Variants in PAQR8 observed in about 807,000 individuals in gnomAD.
The protein encoded by PAQR8 is membrane progestin receptor beta.
A neutral mutation model predicts 25.2 loss-of-function variants in PAQR8; 17 were observed. That is an observed-to-expected ratio of 0.67 (90% CI 0.46 to 1.01). The LOEUF (loss-of-function observed/expected upper bound fraction) is 1.01, where lower values mean the gene tolerates loss of function less well. PAQR8 is among the 50% of genes least tolerant of loss of function. The pLI, the probability that PAQR8 is intolerant of heterozygous loss-of-function variation, is 0.00. For missense variants in PAQR8, 392 were observed against 448.4 expected (o/e 0.87, Z 1.14); for synonymous variants, 204 against 190.6 (o/e 1.07, Z -0.58).
intron 1 of PAQR8, among the ~76,000 whole-genome samples, chr6:52,366,313 G>A (rs907560356): frequency 6.6e-6 from 1 of 152,184 alleles, no homozygotes; most frequent in Non-Finnish European, 1.5e-5. Context: ...GCAAGTGCTG[G>A]AGATGGAGAG....
At chr6:52,365,575 T>TTATATTAATTATTTA (rs1271334023) in intron 1 of PAQR8, among the ~76,000 whole-genome samples, 1 of 152,184 alleles carries the variant, frequency 6.6e-6, no homozygotes, top group Non-Finnish European at 1.5e-5. Context: ...GGAATATTAT[T>TTATATTAATTATTTA]TATTGATAGT....
At chr6:52,393,173 C>T (rs73443984) in intron 1 of PAQR8, among the ~76,000 whole-genome samples, 4,040 of 152,170 alleles carry the variant, frequency 0.027, 166 homozygotes, top group African/African-American at 0.09. Flanking sequence ...CTCTCTGTAA[C>T]TGTTTCCTTA....
At position 52,404,743 on chromosome 6, in the gene PAQR8, T is replaced by C. The variant is rs2113954308; in HGVS notation, c.*465T>C. 1 of 174,116 alleles carries C rather than the reference T, an allele frequency of 5.7e-6. No individual in the cohort carries two copies. The highest frequency in any genetic ancestry group is 1.8e-4 in the East Asian group (1 of 5,470). The allele number at this position is 174,116 out of a possible 1,614,324, so 10.8% of individuals were successfully genotyped here. A position where few individuals can be genotyped will look rare whatever the true frequency, so the allele number is the denominator to read the frequency against. ...ACCCAAGGACCGAATTTCATTTGGA[T>C]TTCAAATTGTCCAGAGTGGAAAAGC... is the stretch of plus-strand genomic sequence containing the variant. On this transcript the variant is annotated 3_prime_UTR_variant, in exon 2 of 2. Transcript: ENST00000442253.
chr6:52,364,035 C>T (rs1467112908), intron 1 of PAQR8, among the ~76,000 whole-genome samples: 15 of 148,176 alleles, frequency 1.0e-4, no homozygotes, highest in Non-Finnish European at 3.0e-5. Flanking sequence ...TTCTGGAAGA[C>T]CCAGAGTAGA....
intron 1 of PAQR8, among the ~76,000 whole-genome samples, chr6:52,387,043 A>T (rs1209198939): frequency 6.6e-6 from 1 of 151,840 alleles, no homozygotes; most frequent in Non-Finnish European, 1.5e-5. Context: ...ACGGAGTCTC[A>T]CTCTGTCACC....
intron 1 of PAQR8, among the ~76,000 whole-genome samples, chr6:52,385,177 G>C (rs1763616684): frequency 6.6e-6 from 1 of 152,170 alleles, no homozygotes. Flanking sequence ...TCGTGGTAGT[G>C]AATAAGTCTC....
At chr6:52,375,080 T>A (rs1763469904) in intron 1 of PAQR8, among the ~76,000 whole-genome samples, 1 of 152,098 alleles carries the variant, frequency 6.6e-6, no homozygotes. Context: ...TTAAAAACGT[T>A]TAGTGGGAAA....
chr6:52,362,861 A>C lies in PAQR8; in HGVS notation c.-53+612A>C, dbSNP rs115705614. Reference sequence around the variant, plus strand: ...GTCTAGGCATGTGCTTTCGCCGGGGAAAGATGGAGGGGGCTTCTCTGAGAG... The same window carrying C: ...GTCTAGGCATGTGCTTTCGCCGGGGCAAGATGGAGGGGGCTTCTCTGAGAG... On this transcript the variant is annotated intron_variant, in intron 1 of 1. Transcript: ENST00000442253. This position sits in a 1 kb window ranked among gnomAD's most constrained non-coding sequence, Gnocchi z 4.1. Among the ~76,000 whole-genome samples the C allele has an allele frequency of 1.4e-3, 211 of 152,052 alleles. No homozygotes were observed. The highest frequency in any genetic ancestry group is 4.9e-3 in the African/African-American group (205 of 41,474).
Position 52,404,255 on chromosome 6 carries a change from AGACT to A in PAQR8, c.1046_1049del (p.Leu349ProfsTer32), listed in dbSNP as rs1296341603. 6.2e-7 allele frequency: 1 copy of A among 1,600,752 alleles called. No individual in the cohort carries two copies. Among genetic ancestry groups the A allele is most frequent in the African/African-American group, 1.3e-5 (1 of 74,838 alleles). ...CCTTCTGAGGCACAAAGTCAAGGCC[AGACT>A]GACCAAGAAAGATTCCTGAGGCTGG... On this transcript the variant is annotated frameshift_variant, in exon 2 of 2. Coordinates refer to ENST00000442253, the MANE Select transcript of PAQR8 (RefSeq NM_133367.5). LOFTEE classifies it high-confidence loss of function.
chr6:52,390,737 C>T (rs1581794997), intron 1 of PAQR8, among the ~76,000 whole-genome samples: 1 of 152,088 alleles, frequency 6.6e-6, no homozygotes, highest in African/African-American at 2.4e-5. Context: ...CCCCCATGAC[C>T]AATAGCTTAC....
At chr6:52,400,491 G>A (rs1763817454) in intron 1 of PAQR8, among the ~76,000 whole-genome samples, 1 of 152,136 alleles carries the variant, frequency 6.6e-6, no homozygotes, top group African/African-American at 2.4e-5. Context: ...TTGATGGTGG[G>A]GCTCAGGATG....
At chr6:52,371,147 A>G (rs1763415359) in intron 1 of PAQR8, among the ~76,000 whole-genome samples, 1 of 152,186 alleles carries the variant, frequency 6.6e-6, no homozygotes, top group East Asian at 1.9e-4. Flanking sequence ...GGAAAAATAA[A>G]TCAGGATAAG....
intron 1 of PAQR8, among the ~76,000 whole-genome samples, chr6:52,399,672 G>A (rs576570996): frequency 1.3e-5 from 2 of 152,206 alleles, no homozygotes; most frequent in South Asian, 4.2e-4. Flanking sequence ...TTCTTCTATA[G>A]TCACTGGGGT....
chr6:52,379,619 C>CTTTTTTTTTTT lies in PAQR8; in HGVS notation c.-53+17385_-53+17395dup, dbSNP rs909812638. On this transcript the variant is annotated intron_variant, in intron 1 of 1. Coordinates refer to ENST00000442253, the MANE Select transcript of PAQR8 (RefSeq NM_133367.5). ...GGTGCGTACCGCCACACCCAGCTTTCTTTTTTTTTTTTTTTTTTTTTTTTT... is the reference window on the plus strand; with the variant it reads ...GGTGCGTACCGCCACACCCAGCTTTCTTTTTTTTTTTTTTTTTTTTTTTTTTTTTTTTTTTT... Among the ~76,000 whole-genome samples, 230 of 77,178 alleles carry CTTTTTTTTTTT rather than the reference C, an allele frequency of 3.0e-3. 22 individuals carry two copies. The highest frequency in any genetic ancestry group is 0.012 in the East Asian group (27 of 2,250). 50.6% of individuals were successfully genotyped at this position (77,178 alleles called of 152,430 possible).
intron 1 of PAQR8, among the ~76,000 whole-genome samples, chr6:52,370,428 G>C (rs1163660144): frequency 6.6e-6 from 1 of 152,202 alleles, no homozygotes; most frequent in Admixed American, 6.5e-5. Context: ...AGATGTAAGA[G>C]AAGCGTAAAG....
In PAQR8 at chr6:52,362,755, G is replaced by A. The variant is rs568122878; in HGVS notation, c.-53+506G>A. 1.3e-5 allele frequency among the ~76,000 whole-genome samples: 2 copies of A among 152,306 alleles called. No homozygotes were observed. Among genetic ancestry groups the A allele is most frequent in the East Asian group, 1.9e-4 (1 of 5,160 alleles). Reference sequence around the variant, plus strand: ...GAACGGAACCTGGGAGGGGAGTGCGGAGGAGAGGAAGCCCGGGGCGGTAGG... The same window carrying A: ...GAACGGAACCTGGGAGGGGAGTGCGAAGGAGAGGAAGCCCGGGGCGGTAGG... On this transcript the variant is annotated intron_variant, in intron 1 of 1. Coordinates refer to ENST00000442253, the MANE Select transcript of PAQR8 (RefSeq NM_133367.5). The surrounding 1 kb of genome is among the most constrained non-coding windows in gnomAD (Gnocchi z 4.1).
chr6:52,406,859 G>A lies in PAQR8; in HGVS notation c.*2581G>A, dbSNP rs531581056. 2.4e-5 allele frequency: 7 copies of A among 289,284 alleles called. No individual in the cohort carries two copies. The highest frequency in any genetic ancestry group is 1.5e-4 in the African/African-American group (7 of 45,884). 17.9% of individuals were successfully genotyped at this position (289,284 alleles called of 1,614,324 possible). On this transcript the variant is annotated 3_prime_UTR_variant, in exon 2 of 2. Coordinates refer to ENST00000442253, the MANE Select transcript of PAQR8 (RefSeq NM_133367.5). ...ATTACAGACATTAGCCATCACGCCTGCCCTAGAAACAGTTTTTTAATAGGA... is the reference window on the plus strand; with the variant it reads ...ATTACAGACATTAGCCATCACGCCTACCCTAGAAACAGTTTTTTAATAGGA...
chr6:52,362,878 C>T lies in PAQR8; in HGVS notation c.-53+629C>T, dbSNP rs1763307437. 6.6e-6 allele frequency among the ~76,000 whole-genome samples: 1 copy of T among 152,062 alleles called. No homozygotes were observed. The highest frequency in any genetic ancestry group is 6.5e-5 in the Admixed American group (1 of 15,274). The stretch of plus-strand genomic sequence containing the variant: ...CGCCGGGGAAAGATGGAGGGGGCTT[C>T]TCTGAGAGGGTGGGCGCGAGGAGCG... On this transcript the variant is annotated intron_variant, in intron 1 of 1. Transcript: ENST00000442253. This position sits in a 1 kb window ranked among gnomAD's most constrained non-coding sequence, Gnocchi z 4.1.
At chr6:52,382,185 T>G (rs980644265) in intron 1 of PAQR8, among the ~76,000 whole-genome samples, 1 of 152,182 alleles carries the variant, frequency 6.6e-6, no homozygotes, top group Non-Finnish European at 1.5e-5. Context: ...TGATACAAAC[T>G]GGAGGATGCA....
Sources: allele counts gnomAD v4.1 joint callset (sites outside exome capture counted in the v4.1 genomes callset), GRCh38; gene constraint gnomAD v4.1.1; non-coding constraint Gnocchi (gnomAD v3.1); transcripts MANE v1.5; gene names NCBI Gene and HGNC (gene_info 2026-07-23, HGNC 2026-07-21).